TAS2R1: variants seen among roughly 807,000 people sequenced by gnomAD.
TAS2R1 encodes the protein taste 2 receptor member 1.
For missense variants in TAS2R1, 370 were observed against 353.4 expected (o/e 1.05, Z -0.38); for synonymous variants, 141 against 134.2 (o/e 1.05, Z -0.35).
At chr5:9,859,677 C>T in the TAS2R1 span, among the ~76,000 whole-genome samples, 1 of 152,116 alleles carries the variant, frequency 6.6e-6, no homozygotes, top group Admixed American at 6.5e-5. Context: ...TAAAAGCCGC[C>T]CATTAGAAAC....
the TAS2R1 span, among the ~76,000 whole-genome samples, chr5:9,817,962 A>G: frequency 6.6e-6 from 1 of 152,134 alleles, no homozygotes; most frequent in African/African-American, 2.4e-5. Context: ...CAAAAATAGC[A>G]TGGGAGAAAC....
intron 2 of TAS2R1, chr5:9,658,860 A>C (rs1174070124): frequency 6.6e-6 from 1 of 152,202 alleles, no homozygotes. Context: ...AACCACCATA[A>C]CAGCACAACA....
chr5:9,808,941 T>G, the TAS2R1 span, among the ~76,000 whole-genome samples: 828 of 152,334 alleles, frequency 5.4e-3, 17 homozygotes, highest in East Asian at 0.041. Flanking sequence ...TCCATTGCAC[T>G]GTGAGAATGA....
At chr5:9,768,082 G>A in the TAS2R1 span, among the ~76,000 whole-genome samples, 1 of 152,052 alleles carries the variant, frequency 6.6e-6, no homozygotes, top group African/African-American at 2.4e-5. Flanking sequence ...GCTGTCAGGA[G>A]CCTCCTTGTC....
upstream of TAS2R1, chr5:9,714,161 T>G (rs1216067942): frequency 1.3e-5 from 2 of 152,190 alleles, no homozygotes; most frequent in African/African-American, 4.8e-5. Flanking sequence ...ACCAGAAATT[T>G]GAACAGGTCC....
chr5:9,755,252 G>T, the TAS2R1 span, among the ~76,000 whole-genome samples: 1 of 152,092 alleles, frequency 6.6e-6, no homozygotes, highest in Non-Finnish European at 1.5e-5. Context: ...AATTTAGGGC[G>T]AGTTCATACA....
the TAS2R1 span, among the ~76,000 whole-genome samples, chr5:9,809,540 C>T: frequency 1.3e-5 from 2 of 152,068 alleles, no homozygotes; most frequent in South Asian, 4.1e-4. Flanking sequence ...AGAGGGCCCT[C>T]ACCAGAACCC....
Position 9,655,939 on chromosome 5 carries a change from T to C in TAS2R1, c.-81+3482A>G, listed in dbSNP as rs73743131. On this transcript the variant is annotated intron_variant, in intron 2 of 2. Transcript: ENST00000506620. ...TCAATGCCTGGGAAACTTTTATTAA[T>C]GTTCAAGTTATCAACTTGGACACCA... 9.2e-3 allele frequency among the ~76,000 whole-genome samples: 1,399 copies of C among 152,128 alleles called. 21 individuals are homozygous for C. Among genetic ancestry groups the C allele is most frequent in the African/African-American group, 0.031 (1,287 of 41,506 alleles).
At chr5:9,767,318 G>T in the TAS2R1 span, among the ~76,000 whole-genome samples, 1 of 151,758 alleles carries the variant, frequency 6.6e-6, no homozygotes, top group East Asian at 1.9e-4. Context: ...CCTGCTCCTT[G>T]CCAGCTCTCC....
chr5:9,628,839 C>A lies in TAS2R1; in HGVS notation c.*294G>T, dbSNP rs1433942722. Among the ~76,000 whole-genome samples the A allele has an allele frequency of 6.6e-6, 1 of 152,150 alleles. No individual in the cohort carries two copies. The highest frequency in any genetic ancestry group is 1.5e-5 in the Non-Finnish European group (1 of 68,020). ...ATTTGTAAGAAGGAATACAGAAAGACCCTGAACCATTTACTCAGTTTTCCC... is the reference window on the plus strand; with the variant it reads ...ATTTGTAAGAAGGAATACAGAAAGAACCTGAACCATTTACTCAGTTTTCCC... On this transcript the variant is annotated 3_prime_UTR_variant, in exon 1 of 1. Coordinates refer to ENST00000382492, the MANE Select transcript of TAS2R1 (RefSeq NM_019599.3).
the TAS2R1 span, among the ~76,000 whole-genome samples, chr5:9,808,467 C>T: frequency 5.3e-5 from 8 of 152,166 alleles, no homozygotes; most frequent in African/African-American, 1.9e-4. Context: ...AAAAAAGAAC[C>T]AGAACTTACA....
chr5:9,894,189 G>T, the TAS2R1 span, among the ~76,000 whole-genome samples: 1 of 152,068 alleles, frequency 6.6e-6, no homozygotes, highest in East Asian at 1.9e-4. Context: ...GATCACTTGA[G>T]GTCAGTAGTT....
chr5:9,894,192 C>G, the TAS2R1 span, among the ~76,000 whole-genome samples: 1 of 152,028 alleles, frequency 6.6e-6, no homozygotes, highest in Non-Finnish European at 1.5e-5. Flanking sequence ...CACTTGAGGT[C>G]AGTAGTTTGA....
At chr5:9,901,340 T>C in the TAS2R1 span, among the ~76,000 whole-genome samples, 1 of 151,998 alleles carries the variant, frequency 6.6e-6, no homozygotes, top group Non-Finnish European at 1.5e-5. Flanking sequence ...GAGACTAAGC[T>C]ACCAGAGAAC....
chr5:9,656,453 A>T (rs911150153), intron 2 of TAS2R1, among the ~76,000 whole-genome samples: 1 of 152,204 alleles, frequency 6.6e-6, no homozygotes, highest in African/African-American at 2.4e-5. Flanking sequence ...AGGGCAGCCG[A>T]TGGGATAAGT....
At chr5:9,661,585 T>TA (rs1740533707) in intron 1 of TAS2R1, among the ~76,000 whole-genome samples, 1 of 152,228 alleles carries the variant, frequency 6.6e-6, no homozygotes, top group Admixed American at 6.5e-5. Flanking sequence ...AATTCACTGT[T>TA]AGAGAATGAT....
At chr5:9,710,052 T>C (rs560063971) in intron 1 of TAS2R1, among the ~76,000 whole-genome samples, 3 of 152,378 alleles carry the variant, frequency 2.0e-5, no homozygotes, top group African/African-American at 7.2e-5. Context: ...GTTTCAAAAT[T>C]GGGAGATGTT....
chr5:9,753,862 A>G, the TAS2R1 span, among the ~76,000 whole-genome samples: 4 of 152,174 alleles, frequency 2.6e-5, no homozygotes, highest in Non-Finnish European at 4.4e-5. Context: ...GGTTGTAGAT[A>G]TGCGGCATTA....
In TAS2R1 at chr5:9,630,109, T is replaced by C. The variant is rs1196610849; in HGVS notation, c.-77A>G. ...GGACAGGTTGGGTTGTTCACGCTCTTCAATTAGATCAGGACTCCTCTGGGG... is the reference window on the plus strand; with the variant it reads ...GGACAGGTTGGGTTGTTCACGCTCTCCAATTAGATCAGGACTCCTCTGGGG... On this transcript the variant is annotated 5_prime_UTR_variant, in exon 1 of 1. Coordinates refer to ENST00000382492, the MANE Select transcript of TAS2R1 (RefSeq NM_019599.3). 1 of 1,226,646 alleles carries C rather than the reference T, an allele frequency of 8.2e-7. No individual in the cohort carries two copies. Among genetic ancestry groups the C allele is most frequent in the East Asian group, 2.6e-5 (1 of 39,038 alleles). The allele number at this position is 1,226,646 out of a possible 1,614,324, so 76.0% of individuals were successfully genotyped here.
Sources: allele counts gnomAD v4.1 joint callset (sites outside exome capture counted in the v4.1 genomes callset), GRCh38; gene constraint gnomAD v4.1.1; transcripts MANE v1.5; gene names NCBI Gene and HGNC (gene_info 2026-07-23, HGNC 2026-07-21).